Variants in ADAMTSL1 observed in about 807,000 individuals in gnomAD.
ADAMTSL1 encodes the protein ADAMTS-like protein 1.
ADAMTSL1 carries 126 observed loss-of-function variants against 201.8 expected under a neutral mutation model. The ratio of observed to expected loss-of-function variants is 0.62; its 90% confidence interval spans 0.54 to 0.72. The LOEUF (loss-of-function observed/expected upper bound fraction) is 0.72, where lower values mean the gene tolerates loss of function less well. ADAMTSL1 is among the 30% of genes least tolerant of loss of function. ADAMTSL1 has a pLI of 0.00. For synonymous variants in ADAMTSL1, 1,121 were observed against 903.4 expected (o/e 1.24, Z -4.32); for missense variants, 2,679 against 2,277.8 (o/e 1.18, Z -3.59).
At chr9:18,883,007 AAAAG>A (rs1159701941) in intron 23 of ADAMTSL1, among the ~76,000 whole-genome samples, 5 of 151,806 alleles carry the variant, frequency 3.3e-5, no homozygotes, top group Admixed American at 1.3e-4. Flanking sequence ...AAAAAAAAAA[AAAAG>A]AGGATATAGG....
chr9:18,724,912 T>TC (rs1192106548), intron 15 of ADAMTSL1, among the ~76,000 whole-genome samples: 1 of 151,260 alleles, frequency 6.6e-6, no homozygotes, highest in Non-Finnish European at 1.5e-5. Context: ...ATTGAACCTT[T>TC]TTTTTTTCTT....
chr9:17,929,501 C>G (rs4961613), intron 1 of ADAMTSL1, among the ~76,000 whole-genome samples: 4,989 of 152,196 alleles, frequency 0.033, 99 homozygotes, highest in Non-Finnish European at 0.046. Context: ...CAGCCCCTGC[C>G]TAGCTCCCCA....
At chr9:18,744,719 A>T (rs1168637987) in intron 15 of ADAMTSL1, among the ~76,000 whole-genome samples, 19 of 152,340 alleles carry the variant, frequency 1.2e-4, no homozygotes. Flanking sequence ...GAGATTATTC[A>T]ACTGCAGGGT....
At chr9:18,026,714 C>T (rs1037548001) in intron 1 of ADAMTSL1, among the ~76,000 whole-genome samples, 1 of 151,962 alleles carries the variant, frequency 6.6e-6, no homozygotes, top group Non-Finnish European at 1.5e-5. Flanking sequence ...ACAATGCTGG[C>T]TTTGTAGAAT....
chr9:18,869,864 T>C (rs568028685), intron 23 of ADAMTSL1, among the ~76,000 whole-genome samples: 69 of 152,288 alleles, frequency 4.5e-4, no homozygotes, highest in East Asian at 9.6e-4. Context: ...GGATTTTATT[T>C]CTTCCAATAT....
At chr9:18,180,128 C>A (rs553694474) in intron 2 of ADAMTSL1, among the ~76,000 whole-genome samples, 2 of 152,096 alleles carry the variant, frequency 1.3e-5, no homozygotes, top group Admixed American at 1.3e-4. Flanking sequence ...ATTCAGGAAA[C>A]CCATCTCACG....
chr9:18,287,150 C>T (rs1477336584), intron 2 of ADAMTSL1, among the ~76,000 whole-genome samples: 1 of 152,108 alleles, frequency 6.6e-6, no homozygotes, highest in Non-Finnish European at 1.5e-5. Flanking sequence ...GGCCTTGTTA[C>T]TGGATATTGC....
At chr9:18,357,432 T>C (rs1836302373) in intron 2 of ADAMTSL1, among the ~76,000 whole-genome samples, 1 of 152,212 alleles carries the variant, frequency 6.6e-6, no homozygotes, top group Admixed American at 6.5e-5. Flanking sequence ...TGAATTCCTC[T>C]GTGGCATAGA....
intron 8 of ADAMTSL1, among the ~76,000 whole-genome samples, chr9:18,658,028 G>A (rs1036323039): frequency 2.0e-5 from 3 of 147,492 alleles, no homozygotes; most frequent in Admixed American, 6.9e-5. Flanking sequence ...AGGCTGGAGT[G>A]CAGTGGCGCC....
intron 2 of ADAMTSL1, among the ~76,000 whole-genome samples, chr9:18,370,141 G>A (rs1451859776): frequency 6.6e-6 from 1 of 152,060 alleles, no homozygotes; most frequent in African/African-American, 2.4e-5. Flanking sequence ...TTAGCTGGAT[G>A]TGATGGTGCG....
chr9:18,134,147 T>C (rs796118140), intron 1 of ADAMTSL1, among the ~76,000 whole-genome samples: 9 of 152,280 alleles, frequency 5.9e-5, no homozygotes, highest in African/African-American at 1.9e-4. Context: ...ATTCTGGTCA[T>C]TTACTAGGAA....
At chr9:18,350,737 T>C (rs1326191720) in intron 2 of ADAMTSL1, among the ~76,000 whole-genome samples, 2 of 152,152 alleles carry the variant, frequency 1.3e-5, no homozygotes, top group Non-Finnish European at 2.9e-5. Context: ...TATACATTTT[T>C]ACTTTGGCCA....
intron 16 of ADAMTSL1, among the ~76,000 whole-genome samples, chr9:18,759,179 C>A (rs931645794): frequency 6.6e-6 from 1 of 152,178 alleles, no homozygotes; most frequent in Non-Finnish European, 1.5e-5. Context: ...GGATCCCTGC[C>A]TTGCTTAAAA....
Position 18,681,933 on chromosome 9 carries a change from T to C in ADAMTSL1, c.1463T>C (p.Val488Ala). Residue 488 changes from valine (V) to alanine (A), a missense_variant, in exon 12 of 29, where the codon GTA (valine) becomes GCA (alanine). Transcript: ENST00000380548. ...TKPHIKEECI[V>A]PTPCYKPKEK... Reference sequence around the variant, plus strand: ...CCCCACATAAAAGAGGAATGCATCGTACCCACTCCCTGCTATAAACCCAAA... The same window carrying C: ...CCCCACATAAAAGAGGAATGCATCGCACCCACTCCCTGCTATAAACCCAAA... The C allele has an allele frequency of 1.2e-6, 2 of 1,614,176 alleles. No homozygotes were observed. Among genetic ancestry groups the C allele is most frequent in the Non-Finnish European group, 1.7e-6 (2 of 1,180,028 alleles).
chr9:18,172,932 G>A (rs932862928), intron 2 of ADAMTSL1, among the ~76,000 whole-genome samples: 1 of 152,074 alleles, frequency 6.6e-6, no homozygotes, highest in Non-Finnish European at 1.5e-5. Flanking sequence ...TATAAAGACA[G>A]AGGTGCGAAA....
At chr9:18,598,561 G>A (rs1025160391) in intron 4 of ADAMTSL1, among the ~76,000 whole-genome samples, 9 of 151,896 alleles carry the variant, frequency 5.9e-5, no homozygotes, top group African/African-American at 2.2e-4. Context: ...TCCCTCCCTT[G>A]TGGCCAGATG....
At chr9:18,803,832 C>T (rs1251232550) in intron 20 of ADAMTSL1, among the ~76,000 whole-genome samples, 3 of 152,132 alleles carry the variant, frequency 2.0e-5, no homozygotes, top group Non-Finnish European at 4.4e-5. Context: ...ATATATTACA[C>T]CTCACTTTCC....
chr9:17,959,169 T>C (rs1817618069), intron 1 of ADAMTSL1, among the ~76,000 whole-genome samples: 1 of 152,228 alleles, frequency 6.6e-6, no homozygotes, highest in Admixed American at 6.5e-5. Flanking sequence ...TTGACTTAAA[T>C]GCTCAAAGAC....
chr9:18,295,114 C>T (rs1439829516), intron 2 of ADAMTSL1, among the ~76,000 whole-genome samples: 1 of 152,078 alleles, frequency 6.6e-6, no homozygotes, highest in Non-Finnish European at 1.5e-5. Context: ...AAGCATCAAC[C>T]TGTATGCTGC....
Sources: allele counts gnomAD v4.1 joint callset (sites outside exome capture counted in the v4.1 genomes callset), GRCh38; gene constraint gnomAD v4.1.1; transcripts MANE v1.5; gene names NCBI Gene and HGNC (gene_info 2026-07-23, HGNC 2026-07-21).